RMP64: variants seen among roughly 807,000 people sequenced by gnomAD.
The protein encoded by RMP64 is ribonuclease MRP subunit p64, also known as nucleolus and neural progenitor protein.
At chr3:113,013,761 A>G in the RMP64 span, among the ~76,000 whole-genome samples, 1 of 152,240 alleles carries the variant, frequency 6.6e-6, no homozygotes, top group African/African-American at 2.4e-5. Flanking sequence ...TCAATGTCAC[A>G]CCAGTCACTC....
At chr3:113,012,895 GAAGTA>G in the RMP64 span, 1 of 823,832 alleles carries the variant, frequency 1.2e-6, no homozygotes, top group Admixed American at 1.9e-5. Flanking sequence ...AAATATATTG[GAAGTA>G]AAGAGAATTT....
At chr3:113,011,070 T>C in the RMP64 span, 5 of 1,602,184 alleles carry the variant, frequency 3.1e-6, no homozygotes, top group Admixed American at 3.5e-5. Context: ...TATTCTTTAC[T>C]GGCTGTCCAA....
chr3:113,017,622 T>C, the RMP64 span: 6 of 1,601,726 alleles, frequency 3.7e-6, no homozygotes, highest in African/African-American at 2.7e-5. Context: ...AGACATCTAA[T>C]AAGATTTAGT....
chr3:113,016,904 T>G, the RMP64 span, among the ~76,000 whole-genome samples: 1 of 152,236 alleles, frequency 6.6e-6, no homozygotes, highest in South Asian at 2.1e-4. Context: ...CTCTACTCTA[T>G]GGTATAGCCC....
At chr3:113,008,021 A>T in the RMP64 span, 1 of 653,258 alleles carries the variant, frequency 1.5e-6, no homozygotes, top group Admixed American at 2.9e-5. Flanking sequence ...TTACAATAAA[A>T]GCAGCAAATG....
chr3:113,017,357 C>T, the RMP64 span: 25 of 1,076,296 alleles, frequency 2.3e-5, no homozygotes, highest in African/African-American at 7.9e-5. Flanking sequence ...GAGATTTCCA[C>T]GAGATTTCCA....
chr3:113,010,354 A>G, the RMP64 span: 4 of 317,298 alleles, frequency 1.3e-5, no homozygotes, highest in Admixed American at 1.9e-4. Context: ...CAAAGCCTAT[A>G]CTCTTAAGCT....
chr3:113,019,658 G>A, the RMP64 span: 11 of 1,610,064 alleles, frequency 6.8e-6, no homozygotes, highest in Admixed American at 8.4e-5. Flanking sequence ...GCGAGGCGGG[G>A]GGACTTACGA....
At chr3:113,015,544 T>C in the RMP64 span, among the ~76,000 whole-genome samples, 2 of 151,602 alleles carry the variant, frequency 1.3e-5, no homozygotes, top group East Asian at 4.1e-4. Flanking sequence ...TACCACTTTA[T>C]CTGCCAGCAT....
chr3:113,004,331 G>A, the RMP64 span: 1 of 152,102 alleles, frequency 6.6e-6, no homozygotes, highest in Non-Finnish European at 1.5e-5. Flanking sequence ...TCTGGGAAAG[G>A]GCTAATCTGC....
chr3:113,013,474 TTTACA>T, the RMP64 span: 2 of 1,340,680 alleles, frequency 1.5e-6, no homozygotes, highest in African/African-American at 3.1e-5. Flanking sequence ...TTTTTTTTTT[TTTACA>T]TTTACCAGTT....
At chr3:113,003,205 G>A in the RMP64 span, 2 of 152,160 alleles carry the variant, frequency 1.3e-5, no homozygotes, top group South Asian at 4.1e-4. Context: ...ATTAGCCAGG[G>A]CATGGTGGTG....
At chr3:113,009,280 CA>C in the RMP64 span, among the ~76,000 whole-genome samples, 64 of 151,720 alleles carry the variant, frequency 4.2e-4, no homozygotes, top group Non-Finnish European at 8.7e-4. Flanking sequence ...CTCTTTCATT[CA>C]AAGCTTACCT....
At chr3:113,013,891 A>C in the RMP64 span, 1 of 1,084,814 alleles carries the variant, frequency 9.2e-7, no homozygotes, top group Admixed American at 1.7e-5. Context: ...ATCCAAAGGG[A>C]GATCACAAGA....
chr3:113,012,731 T>C, the RMP64 span: 1 of 1,544,104 alleles, frequency 6.5e-7, no homozygotes, highest in Non-Finnish European at 9.0e-7. Context: ...GGTATGTACA[T>C]ACCATAACCT....
the RMP64 span, chr3:113,009,684 C>T: frequency 6.6e-6 from 1 of 152,172 alleles, no homozygotes; most frequent in Non-Finnish European, 1.5e-5. Context: ...GTTTCTTGGC[C>T]TTTCTATGCC....
At chr3:113,007,267 T>C in the RMP64 span, among the ~76,000 whole-genome samples, 1 of 152,218 alleles carries the variant, frequency 6.6e-6, no homozygotes, top group African/African-American at 2.4e-5. Context: ...TCCCCATAGC[T>C]TTTAATCAAA....
the RMP64 span, chr3:113,011,224 G>A: frequency 5.0e-6 from 8 of 1,612,516 alleles, no homozygotes; most frequent in African/African-American, 8.0e-5. Context: ...AGCTGCAAAA[G>A]CTATAGGCAT....
chr3:113,006,078 A>T, the RMP64 span: 1 of 1,018,784 alleles, frequency 9.8e-7, no homozygotes, highest in African/African-American at 1.6e-5. Context: ...TAATTTACCA[A>T]CTGAAAAGAA....
Sources: gnomAD v4.1 joint callset for allele counts (sites outside exome capture counted in the v4.1 genomes callset) on GRCh38, gnomAD v4.1.1 for gene constraint, MANE v1.5 for transcripts, NCBI Gene and HGNC (gene_info 2026-07-23, HGNC 2026-07-21) for gene names.